The following LRP1B variants were observed in gnomAD, a reference collection of about 807,000 sequenced individuals.
LRP1B encodes the protein LDL receptor related protein 1B.
A neutral mutation model predicts 556.6 loss-of-function variants in LRP1B; 217 were observed. The ratio of observed to expected loss-of-function variants is 0.39; its 90% confidence interval spans 0.35 to 0.44. The LOEUF (loss-of-function observed/expected upper bound fraction) is 0.44. Among genes scored for constraint, LRP1B ranks in the 20% least tolerant of loss-of-function variants. The probability of loss-of-function intolerance (pLI) is 1.00; values close to 1 mark genes in which losing one functional copy is unlikely to be tolerated. For missense variants in LRP1B, 5,053 were observed against 5,620.8 expected, an observed-to-expected ratio of 0.90 and a Z score of 3.23; for synonymous variants, 2,047 against 1,865.8, an observed-to-expected ratio of 1.10 and a Z score of -2.50.
chr2:141,826,460 C>T (rs962395137), intron 1 of LRP1B, among the ~76,000 whole-genome samples: 3 of 149,434 alleles, frequency 2.0e-5, no homozygotes, highest in African/African-American at 4.9e-5. Flanking sequence ...CCTGGGTTCA[C>T]GCCATTCTCC....
intron 3 of LRP1B, among the ~76,000 whole-genome samples, chr2:141,391,447 G>C (rs1014335389): frequency 6.6e-6 from 1 of 152,110 alleles, no homozygotes; most frequent in Non-Finnish European, 1.5e-5. Flanking sequence ...CACAGTGCAG[G>C]CTTACAGGCA....
chr2:141,064,276 T>G (rs947413533), intron 7 of LRP1B, among the ~76,000 whole-genome samples: 2 of 151,936 alleles, frequency 1.3e-5, no homozygotes, highest in Admixed American at 1.3e-4. Context: ...GAATCTGATA[T>G]TCAGTAAAAT....
rs139272279 is a variant in LRP1B at position 140,822,086 on chromosome 2, G to A, written c.5210-8280C>T. On this transcript the variant is annotated intron_variant, in intron 31 of 90. Coordinates refer to ENST00000389484, the MANE Select transcript of LRP1B (RefSeq NM_018557.3). ...CAAGATTCCTAAGAATATCCATGAA[G>A]GGTAATGTTGATTGACAAGCCAAGT... Among the ~76,000 whole-genome samples the A allele has an allele frequency of 4.2e-3, 642 of 152,184 alleles. 8 individuals carry two copies. Among genetic ancestry groups the A allele is most frequent in the African/African-American group, 0.015 (605 of 41,534 alleles).
intron 22 of LRP1B, among the ~76,000 whole-genome samples, chr2:140,905,520 T>A (rs1694225480): frequency 6.6e-6 from 1 of 152,122 alleles, no homozygotes; most frequent in Admixed American, 6.6e-5. Context: ...TGCAAACACC[T>A]GGGAAGGGAA....
chr2:141,499,229 A>G (rs1020104239), intron 2 of LRP1B, among the ~76,000 whole-genome samples: 2 of 152,226 alleles, frequency 1.3e-5, no homozygotes, highest in East Asian at 3.9e-4. Context: ...AGGTGCAGAA[A>G]TAGAGACCCA....
At chr2:141,149,145 G>T (rs1031366022) in intron 7 of LRP1B, among the ~76,000 whole-genome samples, 2 of 152,062 alleles carry the variant, frequency 1.3e-5, no homozygotes, top group African/African-American at 4.8e-5. Flanking sequence ...AACTTGCTTG[G>T]AATACAGCAT....
intron 3 of LRP1B, among the ~76,000 whole-genome samples, chr2:141,386,538 C>T (rs566767126): frequency 6.6e-5 from 10 of 151,964 alleles, no homozygotes; most frequent in African/African-American, 2.4e-4. Context: ...ATATTCCATG[C>T]AAATAGCACC....
chr2:141,541,257 C>G (rs2105209844), intron 2 of LRP1B, among the ~76,000 whole-genome samples: 1 of 152,120 alleles, frequency 6.6e-6, no homozygotes, highest in Middle Eastern at 3.4e-3. Context: ...AAAGTGGACT[C>G]TGCCATCCAG....
intron 11 of LRP1B, among the ~76,000 whole-genome samples, chr2:141,029,168 T>C (rs568157601): frequency 1.6e-4 from 24 of 152,220 alleles, no homozygotes; most frequent in African/African-American, 5.5e-4. Context: ...GGAGAAGAGT[T>C]ACAGGGCTAT....
intron 46 of LRP1B, among the ~76,000 whole-genome samples, chr2:140,534,675 G>C (rs1310823115): frequency 1.3e-5 from 2 of 152,064 alleles, no homozygotes; most frequent in Non-Finnish European, 2.9e-5. Flanking sequence ...ATTACCTTCT[G>C]AGTTCTATTT....
chr2:141,445,425 A>G (rs1314267769), intron 3 of LRP1B, among the ~76,000 whole-genome samples: 1 of 152,112 alleles, frequency 6.6e-6, no homozygotes, highest in Non-Finnish European at 1.5e-5. Context: ...TATCTCCTTC[A>G]GTTCTGCTCT....
chr2:142,047,557 A>T (rs1415030172), intron 1 of LRP1B, among the ~76,000 whole-genome samples: 1 of 151,760 alleles, frequency 6.6e-6, no homozygotes, highest in East Asian at 1.9e-4. Flanking sequence ...TCAGAAATAA[A>T]CTCTAAAATA....
chr2:141,319,179 T>C (rs146445741), intron 3 of LRP1B, among the ~76,000 whole-genome samples: 1 of 152,132 alleles, frequency 6.6e-6, no homozygotes, highest in African/African-American at 2.4e-5. Flanking sequence ...TGTAATATCG[T>C]CAACAAATAC....
intron 62 of LRP1B, among the ~76,000 whole-genome samples, chr2:140,454,213 A>T (rs62172979): frequency 0.014 from 2,112 of 152,190 alleles, 21 homozygotes; most frequent in Non-Finnish European, 0.018. Flanking sequence ...GAGTGTCATG[A>T]TCTTGGCTCA....
At chr2:141,386,531 T>C (rs1303432221) in intron 3 of LRP1B, among the ~76,000 whole-genome samples, 2 of 152,012 alleles carry the variant, frequency 1.3e-5, no homozygotes, top group Non-Finnish European at 1.5e-5. Context: ...GGAAAAGATA[T>C]TCCATGCAAA....
chr2:140,989,681 T>C (rs1697030391), intron 16 of LRP1B, 24 bp from the exon 17 acceptor site: 1 of 1,608,580 alleles, frequency 6.2e-7, no homozygotes, highest in Non-Finnish European at 8.5e-7. Context: ...GGAAGCAAGA[T>C]TAATTATTTA....
In LRP1B at chr2:140,591,742, A is replaced by C. The variant is rs548246747; in HGVS notation, c.7194+6889T>G. On this transcript the variant is annotated intron_variant, in intron 43 of 90. Transcript: ENST00000389484. The stretch of plus-strand genomic sequence containing the variant: ...CCTACAAGATATTCTCAAAGATGAA[A>C]ACCTGCTTATAATTATCTGATCCTA... Among the ~76,000 whole-genome samples, 3 of 152,304 alleles carry C rather than the reference A, an allele frequency of 2.0e-5. No individual in the cohort carries two copies. The East Asian group carries it at 5.8e-4, about 29-fold the overall frequency.
intron 86 of LRP1B, among the ~76,000 whole-genome samples, chr2:140,264,624 A>T (rs767915493): frequency 5.9e-5 from 9 of 152,070 alleles, no homozygotes; most frequent in Non-Finnish European, 4.4e-5. Context: ...ACTGGGTATC[A>T]GGTCTTCAAC....
chr2:141,465,603 G>T (rs1267855648), intron 3 of LRP1B, among the ~76,000 whole-genome samples: 1 of 150,748 alleles, frequency 6.6e-6, no homozygotes, highest in Non-Finnish European at 1.5e-5. Context: ...AGGCTGGAGT[G>T]CAGTGGCACA....
Sources: gnomAD v4.1 joint callset for allele counts (sites outside exome capture counted in the v4.1 genomes callset) on GRCh38, gnomAD v4.1.1 for gene constraint, MANE v1.5 for transcripts, NCBI Gene and HGNC (gene_info 2026-07-23, HGNC 2026-07-21) for gene names.